SFXN5: variants seen among roughly 807,000 people sequenced by gnomAD.
SFXN5 encodes the protein sideroflexin-5.
In SFXN5, 43 loss-of-function variants were observed where a neutral mutation model predicts 50.2. That is an observed-to-expected ratio of 0.86 (90% confidence interval 0.67 to 1.11). SFXN5 has a LOEUF of 1.11. SFXN5 is among the 50% of genes least tolerant of loss of function. SFXN5 has a pLI of 0.00. For missense variants in SFXN5, 463 were observed against 454.1 expected (o/e 1.02, Z -0.18); for synonymous variants, 203 against 185.8 (o/e 1.09, Z -0.75).
chr2:73,047,283 T>TATATATATATATATATACACACAC (rs1325442108), intron 2 of SFXN5, among the ~76,000 whole-genome samples: 1 of 73,602 alleles, frequency 1.4e-5, no homozygotes, highest in Admixed American at 1.8e-4. Context: ...TATACACACA[T>TATATATATATATATATACACACAC]ATATATATAT....
chr2:73,053,543 G>A (rs1187958923), intron 2 of SFXN5: 1 of 152,234 alleles, frequency 6.6e-6, no homozygotes, highest in Non-Finnish European at 1.5e-5. Context: ...AACAAAGACA[G>A]CCTTCTTCCT....
intron 1 of SFXN5, chr2:73,059,960 T>C (rs1351320452): frequency 2.7e-6 from 2 of 733,628 alleles, no homozygotes; most frequent in Non-Finnish European, 3.3e-6. Flanking sequence ...TATGACTGAA[T>C]ACTATGCAGC....
rs138950240 is a variant in SFXN5, at chr2:73,058,172, C to T, written c.171+356G>A. On this transcript the variant is annotated intron_variant, in intron 2 of 13. Transcript: ENST00000272433. ...GACGATTAAAGGATACTTTTTTCTA[C>T]TTAAACATATTTGTACTGTTTGAAC... is the stretch of plus-strand genomic sequence containing the variant. The T allele has an allele frequency of 1.9e-3, 330 of 173,678 alleles. 1 individual carries two copies. The highest frequency in any genetic ancestry group is 7.1e-3 in the African/African-American group (302 of 42,402). The allele number at this position is 173,678 out of a possible 1,614,324, so 10.8% of individuals were successfully genotyped here. A position where few individuals can be genotyped will look rare whatever the true frequency, so the allele number is the denominator to read the frequency against.
chr2:72,976,779 T>C (rs535636833), intron 10 of SFXN5, among the ~76,000 whole-genome samples: 1 of 152,242 alleles, frequency 6.6e-6, no homozygotes, highest in Non-Finnish European at 1.5e-5. Context: ...AAGGCTATTA[T>C]GTTAATACCT....
chr2:73,014,409 T>C (rs1199897731), intron 6 of SFXN5, among the ~76,000 whole-genome samples: 1 of 152,160 alleles, frequency 6.6e-6, no homozygotes. Flanking sequence ...CTCTGTTCTG[T>C]TCCACTGACA....
chr2:73,040,744 G>T (rs1679513890), intron 3 of SFXN5, 110 bp downstream of exon 3: 1 of 791,306 alleles, frequency 1.3e-6, no homozygotes. Flanking sequence ...TGTACCAGCA[G>T]AAGTATATGC....
intron 13 of SFXN5, among the ~76,000 whole-genome samples, chr2:72,958,072 G>A (rs1455012069): frequency 6.6e-6 from 1 of 152,186 alleles, no homozygotes; most frequent in African/African-American, 2.4e-5. Flanking sequence ...AGACCAGGGT[G>A]GCTCACTTTC....
intron 3 of SFXN5, among the ~76,000 whole-genome samples, chr2:73,037,758 C>A (rs913528750): frequency 3.3e-5 from 5 of 152,146 alleles, no homozygotes; most frequent in African/African-American, 1.2e-4. Flanking sequence ...TGATTGTCAA[C>A]CTAGAATTTT....
chr2:73,053,003 C>T (rs1244060910), intron 2 of SFXN5, among the ~76,000 whole-genome samples: 1 of 152,160 alleles, frequency 6.6e-6, no homozygotes, highest in Non-Finnish European at 1.5e-5. Flanking sequence ...CATGGCAAAA[C>T]CCCGTCTCTA....
chr2:73,050,019 C>T (rs1419384161), intron 2 of SFXN5: 1 of 150,528 alleles, frequency 6.6e-6, no homozygotes, highest in Non-Finnish European at 1.5e-5. Flanking sequence ...AATCTAAAAT[C>T]CAACAGGGCA....
In SFXN5 at chr2:73,041,567, G is replaced by C. The variant is rs994235118; in HGVS notation, c.172-636C>G. 1.6e-5 allele frequency: 6 copies of C among 367,858 alleles called. No individual in the cohort carries two copies. In the Admixed American group the frequency reaches 2.1e-4, roughly 13 times the overall value. The allele number at this position is 367,858 out of a possible 1,614,324, so 22.8% of individuals were successfully genotyped here. On this transcript the variant is annotated intron_variant, in intron 2 of 13. Coordinates refer to ENST00000272433, the MANE Select transcript of SFXN5 (RefSeq NM_144579.3). ...TAGCTGGGCATGGTGGTGCATGCCT[G>C]TAATCCCAGCTACTCAGGAGGCTGA...
chr2:72,965,595 G>A lies in SFXN5; in HGVS notation c.827+2853C>T, dbSNP rs181074034. Reference sequence around the variant, plus strand: ...ACCCCTAGACACTGCCGTGGGGTCGGAGCCCCACAGCCTGCCCATCTGTAT... The same window carrying A: ...ACCCCTAGACACTGCCGTGGGGTCGAAGCCCCACAGCCTGCCCATCTGTAT... On this transcript the variant is annotated intron_variant, in intron 12 of 13. Coordinates refer to ENST00000272433, the MANE Select transcript of SFXN5 (RefSeq NM_144579.3). Among the ~76,000 whole-genome samples, 164 of 152,232 alleles carry A rather than the reference G, an allele frequency of 1.1e-3. 2 individuals carry two copies. Among genetic ancestry groups the A allele is most frequent in the African/African-American group, 3.8e-3 (157 of 41,526 alleles).
rs557906308 is a variant in SFXN5 at position 72,994,491 on chromosome 2, C to T, written c.534+4458G>A. 3.9e-5 allele frequency among the ~76,000 whole-genome samples: 6 copies of T among 152,292 alleles called. No homozygotes were observed. In the South Asian group the frequency reaches 1.2e-3, roughly 32 times the overall value. ...AGAATGGAGCTCAGCATTGCCCCAA[C>T]AGGGAAAGACCTCAGCCAGCTAAGA... is the stretch of plus-strand genomic sequence containing the variant. On this transcript the variant is annotated intron_variant, in intron 9 of 13. Coordinates refer to ENST00000272433, the MANE Select transcript of SFXN5 (RefSeq NM_144579.3).
rs987902259 is a variant in SFXN5, at chr2:73,020,252, A to G, written c.344T>C (p.Phe115Ser). 1.2e-6 allele frequency: 2 copies of G among 1,614,096 alleles called. No homozygotes were observed. Among genetic ancestry groups the G allele is most frequent in the African/African-American group, 1.3e-5 (1 of 75,050 alleles). The change falls in exon 6 of 14, where the codon TTT becomes TCT. Residue 115 changes from phenylalanine to serine, a missense_variant. Phe to Ser is a radical substitution (Grantham distance 155). Coordinates refer to ENST00000272433, the MANE Select transcript of SFXN5 (RefSeq NM_144579.3). ...GGTAACACTTACAATTGGCGTCCCA[A>G]AAGGAATATAACCTGTGAACGAGAA... The part of the protein sequence containing the change: ...MPFRMSGYIP[F>S]GTPIVVGLLL...
intron 12 of SFXN5, 78 bp downstream of exon 12, chr2:72,968,370 G>T: frequency 1.4e-6 from 2 of 1,387,262 alleles, no homozygotes; most frequent in African/African-American, 1.4e-5. Context: ...CTCATCTCTT[G>T]CCTGGGCCAG....
intron 3 of SFXN5, 108 bp from the exon 4 acceptor site, chr2:73,023,322 C>T (rs1249563931): frequency 1.7e-6 from 2 of 1,183,808 alleles, no homozygotes; most frequent in African/African-American, 3.1e-5. Flanking sequence ...GCTCCGAAAG[C>T]CCGAAAGAAG....
chr2:72,962,732 T>C (rs1294517894), intron 12 of SFXN5, among the ~76,000 whole-genome samples: 1 of 152,218 alleles, frequency 6.6e-6, no homozygotes, highest in East Asian at 1.9e-4. Flanking sequence ...GTGTCATTAT[T>C]GCTGTTGTTA....
At chr2:72,947,904 G>A (rs149451031) in intron 13 of SFXN5, among the ~76,000 whole-genome samples, 56 of 143,288 alleles carry the variant, frequency 3.9e-4, no homozygotes, top group African/African-American at 1.1e-3. Flanking sequence ...CAGCGCCCAC[G>A]CTTAAAAATC....
At chr2:73,021,712 C>T (rs937980870) in intron 5 of SFXN5, among the ~76,000 whole-genome samples, 1 of 152,146 alleles carries the variant, frequency 6.6e-6, no homozygotes, top group Non-Finnish European at 1.5e-5. Flanking sequence ...CTTCCCAAGG[C>T]AGCAGCAGCA....
Sources: allele counts gnomAD v4.1 joint callset (sites outside exome capture counted in the v4.1 genomes callset), GRCh38; gene constraint gnomAD v4.1.1; transcripts MANE v1.5; gene names NCBI Gene and HGNC (gene_info 2026-07-23, HGNC 2026-07-21).